Variants in USP6 observed in about 807,000 individuals in gnomAD.
The protein encoded by USP6 is ubiquitin carboxyl-terminal hydrolase 6.
A neutral mutation model predicts 175.7 loss-of-function variants in USP6; 128 were observed. That is an observed-to-expected ratio of 0.73 (90% confidence interval 0.63 to 0.84). USP6 has a LOEUF of 0.84. Among genes scored for constraint, USP6 ranks in the 40% least tolerant of loss-of-function variants. USP6 has a pLI of 0.00. For synonymous variants in USP6, 562 were observed against 630.6 expected (o/e 0.89, Z 1.63); for missense variants, 1,498 against 1,760.3 (o/e 0.85, Z 2.67).
At chr17:5,147,870 AT>A (rs2073655749) in intron 29 of USP6, among the ~76,000 whole-genome samples, 1 of 152,048 alleles carries the variant, frequency 6.6e-6, no homozygotes. Context: ...TGCATTTTTA[AT>A]TTTTATTTTA....
At chr17:5,156,012 CAGAA>C (rs2073876009) in intron 31 of USP6, among the ~76,000 whole-genome samples, 1 of 152,156 alleles carries the variant, frequency 6.6e-6, no homozygotes, top group African/African-American at 2.4e-5. Flanking sequence ...CTCTGAAATT[CAGAA>C]TGAGAGCGAC....
chr17:5,157,184 C>G (rs1475291077), intron 31 of USP6, among the ~76,000 whole-genome samples: 1 of 152,126 alleles, frequency 6.6e-6, no homozygotes, highest in Non-Finnish European at 1.5e-5. Context: ...CTCCCGGGTT[C>G]AAGTGATTCT....
intron 30 of USP6, 139 bp downstream of exon 30, chr17:5,148,906 A>C (rs2073686929): frequency 1.3e-5 from 19 of 1,410,240 alleles, no homozygotes; most frequent in Non-Finnish European, 1.7e-5. Flanking sequence ...ACTTTTACAA[A>C]TTTTATTTTT....
chr17:5,159,996 A>AG (rs2073973105), intron 31 of USP6, among the ~76,000 whole-genome samples: 1 of 151,398 alleles, frequency 6.6e-6, no homozygotes, highest in Admixed American at 6.6e-5. Context: ...AAAAGTCTGC[A>AG]GGGGGAGCAG....
intron 35 of USP6, among the ~76,000 whole-genome samples, chr17:5,169,940 C>T (rs1054877807): frequency 3.9e-5 from 6 of 152,110 alleles, no homozygotes; most frequent in Middle Eastern, 3.2e-3. Flanking sequence ...ATAAAATTCA[C>T]ATAAAAGTTC....
In USP6 at chr17:5,138,258, G is replaced by A; in HGVS notation, c.1063G>A (p.Asp355Asn). The change falls in exon 21 of 38, where the codon GAC becomes AAC. Residue 355 changes from aspartate (D) to asparagine (N), a missense_variant. Asp to Asn is a conservative substitution (Grantham distance 23). Around this residue, in one of 2 missense-constraint regions of USP6, gnomAD observed 1,217 missense variants for 1,500.8 expected, o/e 0.81. Coordinates refer to ENST00000574788, the MANE Select transcript of USP6 (RefSeq NM_001304284.2). Reference protein sequence around the residue: ...STKKLTRKQGDLPPPAKREQG... With the variant: ...STKKLTRKQGNLPPPAKREQG... The stretch of plus-strand genomic sequence containing the variant: ...GAAGAAACTAACAAGGAAGCAAGGG[G>A]ACCTGCCACCCCCAGGTGGGCTCCA... 1 of 1,613,668 alleles carries A rather than the reference G, an allele frequency of 6.2e-7. No homozygotes were observed. The highest frequency in any genetic ancestry group is 8.5e-7 in the Non-Finnish European group (1 of 1,179,942).
At chr17:5,138,954 G>A (rs530200311) in intron 21 of USP6, 9 of 1,415,720 alleles carry the variant, frequency 6.4e-6, no homozygotes, top group Non-Finnish European at 8.5e-6. Flanking sequence ...GAGTTCTGAT[G>A]GGGGGCCATA....
At chr17:5,140,221 A>G (rs1346595600) in intron 22 of USP6, among the ~76,000 whole-genome samples, 1 of 152,190 alleles carries the variant, frequency 6.6e-6, no homozygotes, top group Non-Finnish European at 1.5e-5. Flanking sequence ...GTCCTCCTAC[A>G]CCTTCCATCC....
At chr17:5,143,594 A>G (rs2143974516) in intron 25 of USP6, among the ~76,000 whole-genome samples, 1 of 151,994 alleles carries the variant, frequency 6.6e-6, no homozygotes, top group African/African-American at 2.4e-5. Context: ...CCTAATCTCA[A>G]GTACCCAGGG....
Position 5,146,220 on chromosome 17 carries a change from A to G in USP6, c.2319+46A>G, listed in dbSNP as rs375909486. ...AAACTTTTGATTCTATCCTTCAAAGATGACATTTTTCTCAATTATGATGAT... is the reference window on the plus strand; with the variant it reads ...AAACTTTTGATTCTATCCTTCAAAGGTGACATTTTTCTCAATTATGATGAT... On this transcript the variant is annotated intron_variant, in intron 28 of 37. Transcript: ENST00000574788. 196 of 1,520,756 alleles carry G rather than the reference A, an allele frequency of 1.3e-4. No individual in the cohort carries two copies. In the African/African-American group the frequency reaches 2.2e-3, roughly 17 times the overall value. 94.2% of individuals were successfully genotyped at this position (1,520,756 alleles called of 1,614,324 possible). A position where few individuals can be genotyped will look rare whatever the true frequency, so the allele number is the denominator to read the frequency against.
chr17:5,134,424 A>G, intron 15 of USP6: 1 of 216,638 alleles, frequency 4.6e-6, no homozygotes, highest in Admixed American at 5.2e-5. Flanking sequence ...GCACAGCCAC[A>G]TTGGCAGCCA....
intron 15 of USP6, chr17:5,134,291 A>G (rs1230338845): frequency 1.3e-5 from 5 of 380,552 alleles, no homozygotes. Flanking sequence ...GACCCATGGT[A>G]GGACCCACAG....
In USP6 at chr17:5,155,530, G is replaced by A. The variant is rs564079031; in HGVS notation, c.2752G>A (p.Asp918Asn). ...GCATACCCGGAAGAAAGACCTATAT[G>A]ATGCGGTTTGGATTCAAGTATCCTG... ...TVHTRKKDLY[D>N]AVWIQVSWLA... Residue 918 changes from aspartate (D) to asparagine (N), a missense_variant, in exon 31 of 38, where the codon GAT (aspartate) becomes AAT (asparagine). By Grantham distance (23) the Asp-to-Asn change is conservative. This residue lies in a region of USP6 where 1,217 missense variants were observed against 1,500.8 expected (regional missense o/e 0.81). Coordinates refer to ENST00000574788, the MANE Select transcript of USP6 (RefSeq NM_001304284.2). 1 of 1,614,086 alleles carries A rather than the reference G, an allele frequency of 6.2e-7. No homozygotes were observed. Among genetic ancestry groups the A allele is most frequent in the Non-Finnish European group, 8.5e-7 (1 of 1,180,004 alleles).
chr17:5,131,551 A>G (rs2073069233), intron 11 of USP6, among the ~76,000 whole-genome samples: 1 of 150,510 alleles, frequency 6.6e-6, no homozygotes, highest in African/African-American at 2.5e-5. Context: ...CCTTATATCT[A>G]CAGCCCTCAG....
intron 37 of USP6, 130 bp from the exon 38 acceptor site, chr17:5,172,675 A>C: frequency 3.9e-6 from 5 of 1,289,648 alleles, no homozygotes; most frequent in Non-Finnish European, 3.2e-6. Context: ...GGTGTGAGAC[A>C]GCCAAACTAG....
chr17:5,141,719 TA>T (rs2073452832), intron 23 of USP6, among the ~76,000 whole-genome samples: 1 of 152,182 alleles, frequency 6.6e-6, no homozygotes, highest in Non-Finnish European at 1.5e-5. Flanking sequence ...TTATATGTTT[TA>T]AAAGACATGC....
In USP6 at chr17:5,130,366, G is replaced by C. The variant is rs1446974078; in HGVS notation, c.-1-1G>C. 5 of 1,613,986 alleles carry C rather than the reference G, an allele frequency of 3.1e-6. No individual in the cohort carries two copies. Among genetic ancestry groups the C allele is most frequent in the Admixed American group, 1.7e-5 (1 of 60,002 alleles). On this transcript the variant is annotated splice_acceptor_variant, in intron 9 of 37. Transcript: ENST00000574788. LOFTEE classifies it low-confidence loss of function (5UTR_SPLICE). ...AACCTTTAGACAATTTTGTCTCACA[G>C]GATGGACATGGTAGAGAATGCAGAT...
chr17:5,170,486 T>G lies in USP6; in HGVS notation c.3525T>G (p.Pro1175=), dbSNP rs560230430. The G allele has an allele frequency of 4.2e-5, 67 of 1,608,248 alleles. No individual in the cohort carries two copies. The African/African-American group carries it at 8.7e-4, about 21-fold the overall frequency. ...ANISSSPKGS[P]SSSRKSGTSC... ...CTTCTGTCCTGTTCACAGGTTCTCC[T>G]TCTTCATCAAGAAAAAGTGGAACCA... The change falls in exon 36 of 38, where the codon CCT becomes CCG. Residue 1175 remains proline (P), a synonymous_variant. Coordinates refer to ENST00000574788, the MANE Select transcript of USP6 (RefSeq NM_001304284.2).
At position 5,133,442 on chromosome 17, in the gene USP6, G is replaced by C; in HGVS notation, c.277-1G>C. The C allele has an allele frequency of 6.2e-7, 1 of 1,610,588 alleles. No homozygotes were observed. Among genetic ancestry groups the C allele is most frequent in the Non-Finnish European group, 8.5e-7 (1 of 1,178,674 alleles). On this transcript the variant is annotated splice_acceptor_variant, in intron 13 of 37. Transcript: ENST00000574788. LOFTEE classifies it high-confidence loss of function. Reference sequence around the variant, plus strand: ...GACACCAGATTCTTTTCTGCCCACAGCTCATAGATCGAGTGTACAAGGGAA... The same window carrying C: ...GACACCAGATTCTTTTCTGCCCACACCTCATAGATCGAGTGTACAAGGGAA...
Sources: allele counts gnomAD v4.1 joint callset (sites outside exome capture counted in the v4.1 genomes callset), GRCh38; gene constraint gnomAD v4.1.1; regional missense constraint gnomAD v4.1.1; transcripts MANE v1.5; gene names NCBI Gene and HGNC (gene_info 2026-07-23, HGNC 2026-07-21).